The following PHAF1 variants were observed in gnomAD, a reference collection of about 807,000 sequenced individuals.
The protein encoded by PHAF1 is phagosome assembly factor 1.
PHAF1 carries 23 observed loss-of-function variants against 63.1 expected under a neutral mutation model. The observed-to-expected ratio is 0.36, with a 90% CI of 0.26 to 0.52. The LOEUF is 0.52. Ranked by LOEUF, PHAF1 falls within the 20% of genes least tolerant of loss-of-function variation. The pLI is 0.93. For missense variants in PHAF1, 427 were observed against 517.2 expected (o/e 0.83, Z 1.69); for synonymous variants, 167 against 185.0 (o/e 0.90, Z 0.79).
chr16:67,110,392 C>T (rs1881466), intron 1 of PHAF1, among the ~76,000 whole-genome samples, 153 bp downstream of exon 1: 5,504 of 152,142 alleles, frequency 0.036, 143 homozygotes, highest in South Asian at 0.078. Context: ...ACTAGATACC[C>T]GCTCCAACTG....
At chr16:67,121,582 C>CTT (rs763354915) in intron 2 of PHAF1, among the ~76,000 whole-genome samples, 6 of 140,232 alleles carry the variant, frequency 4.3e-5, no homozygotes, top group Admixed American at 2.9e-4. Flanking sequence ...AATTTATTTA[C>CTT]TTTTTTTTTT....
chr16:67,116,048 C>T (rs1206674559), intron 1 of PHAF1, among the ~76,000 whole-genome samples: 3 of 152,282 alleles, frequency 2.0e-5, no homozygotes, highest in Non-Finnish European at 4.4e-5. Flanking sequence ...ATGCGGCCTT[C>T]CTCTTTCTTG....
intron 10 of PHAF1, among the ~76,000 whole-genome samples, chr16:67,143,943 TA>T (rs370123857): frequency 6.2e-5 from 9 of 145,492 alleles, no homozygotes; most frequent in African/African-American, 1.3e-4. Flanking sequence ...AAAAATAAAT[TA>T]AAAAAAAAAC....
At chr16:67,146,159 GAC>G in intron 14 of PHAF1, 117 bp from the exon 15 acceptor site, 1 of 914,600 alleles carries the variant, frequency 1.1e-6, no homozygotes, top group East Asian at 2.4e-5. Context: ...GAAACAGACA[GAC>G]ACTCACAGCC....
intron 2 of PHAF1, among the ~76,000 whole-genome samples, chr16:67,124,114 A>T (rs943045722): frequency 6.6e-6 from 1 of 152,344 alleles, no homozygotes; most frequent in East Asian, 1.9e-4. Context: ...AGGAAAAAAA[A>T]AAAAGATCAG....
chr16:67,147,051 C>T lies in PHAF1; in HGVS notation c.1189C>T (p.Gln397Ter). 1 of 1,613,828 alleles carries T rather than the reference C, an allele frequency of 6.2e-7. No homozygotes were observed. The highest frequency in any genetic ancestry group is 8.5e-7 in the Non-Finnish European group (1 of 1,179,748). The change falls in exon 16 of 16, where the codon CAG becomes TAG. Residue 397 changes from glutamine (Q) to a stop codon, truncating the protein, a stop_gained. Coordinates refer to ENST00000219139, the MANE Select transcript of PHAF1 (RefSeq NM_025187.5). LOFTEE classifies it high-confidence loss of function. The stretch of plus-strand genomic sequence containing the variant: ...TGTCCTCTTCTCACACCAGGTCATG[C>T]AGAACAACCACATTGCCTCGGTGAC... The part of the protein sequence containing the change: ...GLQRMIFEVM[Q>*]NNHIASVTLY...
intron 8 of PHAF1, among the ~76,000 whole-genome samples, chr16:67,138,631 TTG>T (rs1271141786): frequency 5.3e-5 from 8 of 152,170 alleles, no homozygotes; most frequent in Admixed American, 3.3e-4. Context: ...ATTTGTGTGT[TTG>T]TGTGTGTGTC....
rs748627797 is a variant in PHAF1, at chr16:67,144,900, G to A, written c.1006+23G>A. On this transcript the variant is annotated intron_variant, in intron 12 of 15. Transcript: ENST00000219139. ...AAGGTGAGTAGTGAAAGCTCTCAGG[G>A]TAAGGGAGGGGTTTTAGAGTCTGTT... 6 of 1,610,570 alleles carry A rather than the reference G, an allele frequency of 3.7e-6. No homozygotes were observed. In the Admixed American group the frequency reaches 8.3e-5, roughly 22 times the overall value.
intron 2 of PHAF1, among the ~76,000 whole-genome samples, chr16:67,123,043 G>A (rs1963047623): frequency 6.6e-6 from 1 of 151,074 alleles, no homozygotes; most frequent in Admixed American, 6.6e-5. Context: ...ATAATCTTTG[G>A]ATGAGGATCA....
intron 10 of PHAF1, 101 bp downstream of exon 10, chr16:67,140,695 C>T: frequency 1.0e-6 from 1 of 953,468 alleles, no homozygotes; most frequent in Non-Finnish European, 1.7e-6. Flanking sequence ...CATGCCTGGA[C>T]ATTGGGGAAC....
chr16:67,119,298 C>T (rs1567639498), intron 1 of PHAF1, among the ~76,000 whole-genome samples: 1 of 152,086 alleles, frequency 6.6e-6, no homozygotes, highest in African/African-American at 2.4e-5. Context: ...TTTCTCTGAG[C>T]GCTTGTCTGT....
At chr16:67,145,281 G>C in intron 12 of PHAF1, 95 bp from the exon 13 acceptor site, 2 of 1,414,656 alleles carry the variant, frequency 1.4e-6, no homozygotes. Flanking sequence ...TCCAACCCCA[G>C]TGCAAAGGGA....
intron 1 of PHAF1, among the ~76,000 whole-genome samples, chr16:67,116,386 A>G (rs1962732583): frequency 6.6e-6 from 1 of 152,172 alleles, no homozygotes. Context: ...CTTCTAATTA[A>G]TTCTTCATTT....
chr16:67,139,862 G>T, intron 8 of PHAF1, 122 bp from the exon 9 acceptor site: 2 of 1,073,912 alleles, frequency 1.9e-6, no homozygotes, highest in Non-Finnish European at 2.7e-6. Context: ...CTGATTGCAT[G>T]CAGTCTTGCC....
intron 3 of PHAF1, among the ~76,000 whole-genome samples, chr16:67,127,138 G>A (rs998782172): frequency 1.3e-5 from 2 of 152,144 alleles, no homozygotes; most frequent in South Asian, 4.1e-4. Flanking sequence ...AAAGTGCTGG[G>A]ATTACAGGCA....
chr16:67,113,903 A>T (rs940413836), intron 1 of PHAF1, among the ~76,000 whole-genome samples: 1 of 151,506 alleles, frequency 6.6e-6, no homozygotes, highest in Non-Finnish European at 1.5e-5. Context: ...GGGTTTCACG[A>T]TGTTGACCAG....
intron 1 of PHAF1, among the ~76,000 whole-genome samples, chr16:67,110,762 A>G (rs1962480107): frequency 6.6e-6 from 1 of 152,146 alleles, no homozygotes; most frequent in Non-Finnish European, 1.5e-5. Context: ...GCTCTGGTCA[A>G]GGGAGTTGAG....
At chr16:67,125,037 C>G (rs1293143351) in intron 2 of PHAF1, among the ~76,000 whole-genome samples, 1 of 152,106 alleles carries the variant, frequency 6.6e-6, no homozygotes, top group Non-Finnish European at 1.5e-5. Flanking sequence ...ACATTGAATC[C>G]TTGAATTAAT....
chr16:67,146,147 G>A, intron 14 of PHAF1, 131 bp from the exon 15 acceptor site: 1 of 853,164 alleles, frequency 1.2e-6, no homozygotes, highest in East Asian at 2.4e-5. Flanking sequence ...AGGCCTGTGT[G>A]GGAAACAGAC....
Sources: allele counts gnomAD v4.1 joint callset (sites outside exome capture counted in the v4.1 genomes callset), GRCh38; gene constraint gnomAD v4.1.1; transcripts MANE v1.5; gene names NCBI Gene and HGNC (gene_info 2026-07-23, HGNC 2026-07-21).